The following PCBP3 variants were observed in gnomAD, a reference collection of about 807,000 sequenced individuals.
The protein encoded by PCBP3 is poly(rC)-binding protein 3.
PCBP3 carries 25 observed loss-of-function variants against 52.7 expected under a neutral mutation model. The observed-to-expected ratio is 0.47, with a 90% CI of 0.35 to 0.66. PCBP3 has a LOEUF of 0.66. Ranked by LOEUF, PCBP3 falls within the 30% of genes least tolerant of loss-of-function variation. PCBP3 has a pLI of 0.01. For synonymous variants in PCBP3, 162 were observed against 183.0 expected (o/e 0.89, Z 0.93); for missense variants, 391 against 490.3 (o/e 0.80, Z 1.91).
At chr21:45,765,390 C>A (rs2089209394) in intron 4 of PCBP3, among the ~76,000 whole-genome samples, 1 of 152,184 alleles carries the variant, frequency 6.6e-6, no homozygotes. Flanking sequence ...AAATTATGGT[C>A]CTGAAGTGAA....
intron 13 of PCBP3, among the ~76,000 whole-genome samples, chr21:45,924,467 GATC>G (rs2075050238): frequency 7.7e-6 from 1 of 129,062 alleles, no homozygotes; most frequent in African/African-American, 3.3e-5. Flanking sequence ...GCACACGTAA[GATC>G]GGGTGTGCGT....
At chr21:45,898,153 G>C (rs2095878635) in intron 6 of PCBP3, among the ~76,000 whole-genome samples, 1 of 152,180 alleles carries the variant, frequency 6.6e-6, no homozygotes, top group Admixed American at 6.5e-5. Flanking sequence ...GGTAAATGGG[G>C]CTCTCTGTGA....
chr21:45,901,744 A>AAG (rs964665174), intron 9 of PCBP3, among the ~76,000 whole-genome samples: 2 of 86,760 alleles, frequency 2.3e-5, no homozygotes, highest in African/African-American at 1.2e-4. Context: ...GAGAGACAGA[A>AAG]AGAGAGAGAG....
intron 4 of PCBP3, among the ~76,000 whole-genome samples, chr21:45,795,170 G>A (rs1226548710): frequency 6.6e-6 from 1 of 152,138 alleles, no homozygotes; most frequent in African/African-American, 2.4e-5. Flanking sequence ...ATAAGAGATG[G>A]ATTAATTCAG....
chr21:45,703,544 T>C (rs1326836716), intron 2 of PCBP3, among the ~76,000 whole-genome samples: 2 of 152,134 alleles, frequency 1.3e-5, no homozygotes, highest in Non-Finnish European at 2.9e-5. Context: ...TGAGTTGGTC[T>C]TGAAGGGCCT....
chr21:45,910,685 T>G (rs533854376), intron 10 of PCBP3, among the ~76,000 whole-genome samples: 22 of 151,426 alleles, frequency 1.5e-4, no homozygotes, highest in African/African-American at 4.9e-4. Context: ...AGGTGCCAAG[T>G]GCGCCCGAGG....
intron 5 of PCBP3, among the ~76,000 whole-genome samples, chr21:45,851,632 T>C (rs1486334323): frequency 1.3e-5 from 2 of 148,610 alleles, no homozygotes; most frequent in Non-Finnish European, 3.0e-5. Flanking sequence ...GATAGATAGA[T>C]AGATAGATAG....
At chr21:45,820,855 C>A (rs1371810240) in intron 4 of PCBP3, among the ~76,000 whole-genome samples, 4 of 152,110 alleles carry the variant, frequency 2.6e-5, no homozygotes, top group Non-Finnish European at 4.4e-5. Flanking sequence ...GCTCTGTTGG[C>A]CACACGATCT....
intron 2 of PCBP3, among the ~76,000 whole-genome samples, chr21:45,698,079 C>T (rs937197014): frequency 1.3e-5 from 2 of 152,166 alleles, no homozygotes; most frequent in Non-Finnish European, 2.9e-5. Context: ...ATGTGAAAAA[C>T]AACTTTTTTC....
intron 11 of PCBP3, among the ~76,000 whole-genome samples, chr21:45,911,822 G>A (rs556769335): frequency 1.3e-5 from 2 of 152,314 alleles, no homozygotes; most frequent in East Asian, 1.9e-4. Context: ...AAAAATGTTT[G>A]CGTAGTTGTT....
At chr21:45,893,641 C>A in intron 5 of PCBP3, 1 of 503,662 alleles carries the variant, frequency 2.0e-6, no homozygotes, top group Non-Finnish European at 2.3e-6. Flanking sequence ...GGGACCCAGG[C>A]CCTCACGGAT....
At chr21:45,662,277 T>TG (rs1487112377) in intron 1 of PCBP3, among the ~76,000 whole-genome samples, 5 of 28,074 alleles carry the variant, frequency 1.8e-4, no homozygotes, top group African/African-American at 5.1e-4. Context: ...CTAAGTTTTT[T>TG]TTTTTTTTTT....
At chr21:45,859,091 C>A (rs1426150931) in intron 5 of PCBP3, 1 of 152,330 alleles carries the variant, frequency 6.6e-6, no homozygotes, top group Non-Finnish European at 1.5e-5. Context: ...AATACAGACG[C>A]CATATAAAAC....
In PCBP3 at chr21:45,873,844, G is replaced by A. The variant is rs531220828; in HGVS notation, c.11-22364G>A. Among the ~76,000 whole-genome samples, 15 of 152,352 alleles carry A rather than the reference G, an allele frequency of 9.8e-5. No homozygotes were observed. In the South Asian group the frequency reaches 3.1e-3, roughly 32 times the overall value. ...AGGGTCTCGCTCTGTCACCTAGGCT[G>A]CAAAGCAGTGGTGCAACCTCAGCTC... On this transcript the variant is annotated intron_variant, in intron 5 of 17. Transcript: ENST00000681687.
intron 2 of PCBP3, among the ~76,000 whole-genome samples, chr21:45,727,203 T>A (rs2085111828): frequency 6.6e-6 from 1 of 152,252 alleles, no homozygotes; most frequent in Non-Finnish European, 1.5e-5. Context: ...CTATATTGGA[T>A]GCAAAGAAAA....
At chr21:45,811,775 C>T (rs1173062087) in intron 4 of PCBP3, among the ~76,000 whole-genome samples, 1 of 152,214 alleles carries the variant, frequency 6.6e-6, no homozygotes, top group Non-Finnish European at 1.5e-5. Flanking sequence ...CTAAAAGTAG[C>T]ACGTGCTTTG....
chr21:45,761,819 CAGCCTTGA>C (rs2088694280), intron 4 of PCBP3: 2 of 152,384 alleles, frequency 1.3e-5, no homozygotes, highest in East Asian at 3.9e-4. Flanking sequence ...CCCTCTCTGC[CAGCCTTGA>C]CCTGGAGCAG....
chr21:45,669,833 A>G (rs1403208687), intron 2 of PCBP3, among the ~76,000 whole-genome samples: 2 of 135,052 alleles, frequency 1.5e-5, no homozygotes, highest in African/African-American at 5.4e-5. Flanking sequence ...ATATATATAT[A>G]TATATATATA....
At chr21:45,849,488 G>A (rs1017639103) in intron 4 of PCBP3, among the ~76,000 whole-genome samples, 23 of 152,196 alleles carry the variant, frequency 1.5e-4, no homozygotes, top group African/African-American at 5.1e-4. Flanking sequence ...TTACAGGCAT[G>A]AGCCACCACA....
Sources: gnomAD v4.1 joint callset for allele counts (sites outside exome capture counted in the v4.1 genomes callset) on GRCh38, gnomAD v4.1.1 for gene constraint, MANE v1.5 for transcripts, NCBI Gene and HGNC (gene_info 2026-07-23, HGNC 2026-07-21) for gene names.